The following TOP2B variants were observed in gnomAD, a reference collection of about 807,000 sequenced individuals.
TOP2B encodes DNA topoisomerase II beta, also known as DNA topoisomerase 2-beta.
A neutral mutation model predicts 193.5 loss-of-function variants in TOP2B; 51 were observed. That is an observed-to-expected ratio of 0.26 (90% CI 0.21 to 0.33). TOP2B has a LOEUF of 0.33. Ranked by LOEUF, TOP2B falls within the 10% of genes least tolerant of loss-of-function variation. TOP2B has a pLI of 1.00. For synonymous variants in TOP2B, 634 were observed against 635.7 expected, an observed-to-expected ratio of 1.00 and a Z score of 0.04; for missense variants, 1,378 against 1,909.3, an observed-to-expected ratio of 0.72 and a Z score of 5.19.
At chr3:25,629,279 A>C (rs772974015) in intron 13 of TOP2B, 134 bp from the exon 14 acceptor site, 12 of 572,798 alleles carry the variant, frequency 2.1e-5, no homozygotes, top group Non-Finnish European at 3.5e-5. Context: ...AAAAGCTATT[A>C]AGATGATCAT....
rs1025888594 is a variant in TOP2B at position 25,624,391 on chromosome 3, T to C, written c.2401A>G (p.Asn801Asp). 6.2e-7 allele frequency: 1 copy of C among 1,613,820 alleles called. No homozygotes were observed. The part of the protein sequence containing the change: ...NLAQNFVGSN[N>D]INLLQPIGQF... ...CCAATAGGCTGAAGCAAGTTAATGT[T>C]GTTACTTCCCACAAAGTTCTGAGCC... is the stretch of plus-strand genomic sequence containing the variant. Residue 801 changes from asparagine (N) to aspartate (D), a missense_variant, in exon 20 of 36, where the codon AAC becomes GAC. Asn to Asp is a conservative substitution (Grantham distance 23). Coordinates refer to ENST00000264331, the MANE Select transcript of TOP2B (RefSeq NM_001330700.2).
At chr3:25,660,091 C>T (rs751849931) in intron 1 of TOP2B, among the ~76,000 whole-genome samples, 4 of 152,182 alleles carry the variant, frequency 2.6e-5, no homozygotes, top group Admixed American at 6.5e-5. Flanking sequence ...CCTGGGATTA[C>T]AGGTGAACAT....
At chr3:25,637,147 G>T in intron 6 of TOP2B, 68 bp downstream of exon 6, 4 of 1,244,524 alleles carry the variant, frequency 3.2e-6, no homozygotes, top group South Asian at 1.3e-5. Context: ...TTTACCCAAG[G>T]TTCTACTATC....
At chr3:25,663,978 G>A (rs981501994) in intron 1 of TOP2B, among the ~76,000 whole-genome samples, 16 of 152,082 alleles carry the variant, frequency 1.1e-4, no homozygotes, top group Non-Finnish European at 2.1e-4. Flanking sequence ...TTACGTTCGC[G>A]GTTTTGTCCC....
intron 33 of TOP2B, among the ~76,000 whole-genome samples, chr3:25,603,784 C>T (rs911512889): frequency 1.3e-5 from 2 of 152,184 alleles, no homozygotes; most frequent in Admixed American, 1.3e-4. Flanking sequence ...CAGTGTGAAA[C>T]ACACATCCCA....
At chr3:25,599,682 A>G (rs1262381475) in intron 34 of TOP2B, among the ~76,000 whole-genome samples, 153 bp from the exon 35 acceptor site, 1 of 152,248 alleles carries the variant, frequency 6.6e-6, no homozygotes, top group Non-Finnish European at 1.5e-5. Context: ...ACAATTTGGC[A>G]GTAGCATTTC....
At chr3:25,662,586 G>A (rs1195900291) in intron 1 of TOP2B, among the ~76,000 whole-genome samples, 1 of 152,026 alleles carries the variant, frequency 6.6e-6, no homozygotes. Context: ...GTTTCAAATG[G>A]ATTTTTCTAT....
rs530786141 is a variant in TOP2B at position 25,609,721 on chromosome 3, TAA to T, written c.3787-11_3787-10del. 1 of 1,424,758 alleles carries T rather than the reference TAA, an allele frequency of 7.0e-7. No homozygotes were observed. The highest frequency in any genetic ancestry group is 3.4e-5 in the Admixed American group (1 of 29,624). The allele number at this position is 1,424,758 out of a possible 1,614,324, so 88.3% of individuals were successfully genotyped here. A position where few individuals can be genotyped will look rare whatever the true frequency, so the allele number is the denominator to read the frequency against. On this transcript the variant is annotated splice_polypyrimidine_tract_variant and intron_variant, in intron 28 of 35. Transcript: ENST00000264331. ...GCAGTATCAAGATCACCCTACATAA[TAA>T]AAAGAAAATCAAGCCACGAGTAAAA...
rs765141504 is a variant in TOP2B, at chr3:25,636,076, T to C, written c.712A>G (p.Ile238Val). ...TTGGACAGATCTGGTTGGAATGTTA[T>C]GCATGTGTAATCTTCACCATCAAAA... The part of the protein sequence containing the change: ...KHFDGEDYTC[I>V]TFQPDLSKFK... The change falls in exon 7 of 36, where the codon ATA (isoleucine) becomes GTA (valine). Residue 238 changes from isoleucine to valine, a missense_variant. Ile to Val is a conservative substitution (Grantham distance 29, BLOSUM62 3). Transcript: ENST00000264331. 6.2e-7 allele frequency: 1 copy of C among 1,612,800 alleles called. No homozygotes were observed. The highest frequency in any genetic ancestry group is 1.1e-5 in the South Asian group (1 of 90,978).
chr3:25,652,255 T>C (rs937176199), intron 1 of TOP2B, among the ~76,000 whole-genome samples: 2 of 152,312 alleles, frequency 1.3e-5, no homozygotes, highest in Middle Eastern at 3.4e-3. Context: ...CTTTCAGTTA[T>C]GGATAGAACA....
At position 25,604,867 on chromosome 3, in the gene TOP2B, G is replaced by GTCA. The variant is rs1702196668; in HGVS notation, c.4381_4382insTGA (p.Ser1461delinsLeuThr). ...TTCTTCATTACTGTCAAATTTAGCT[G>GTCA]AATCTAAAAATTGCAAAGCCTTCTT... On this transcript the variant is annotated protein_altering_variant, in exon 33 of 36. Transcript: ENST00000264331. The GTCA allele has an allele frequency of 6.2e-7, 1 of 1,610,312 alleles. No homozygotes were observed. The highest frequency in any genetic ancestry group is 1.7e-5 in the Admixed American group (1 of 59,624).
At chr3:25,642,018 A>G (rs1030507218) in intron 4 of TOP2B, among the ~76,000 whole-genome samples, 4 of 152,172 alleles carry the variant, frequency 2.6e-5, no homozygotes, top group Non-Finnish European at 5.9e-5. Context: ...CTGGAATCAC[A>G]CTAACAATAG....
At chr3:25,642,223 A>G in intron 4 of TOP2B, 99 bp downstream of exon 4, 1 of 599,162 alleles carries the variant, frequency 1.7e-6, no homozygotes, top group Non-Finnish European at 2.8e-6. Context: ...GGAAACTTTA[A>G]AAGAGTACTA....
intron 5 of TOP2B, among the ~76,000 whole-genome samples, 170 bp downstream of exon 5, chr3:25,637,995 T>A (rs948274443): frequency 6.6e-6 from 1 of 151,952 alleles, no homozygotes; most frequent in Non-Finnish European, 1.5e-5. Flanking sequence ...TTAAGGTTTT[T>A]AAATGTCACT....
intron 30 of TOP2B, 22 bp from the exon 31 acceptor site, chr3:25,607,397 A>T: frequency 4.5e-6 from 7 of 1,548,136 alleles, no homozygotes; most frequent in Non-Finnish European, 5.2e-6. Flanking sequence ...AATAAAAATG[A>T]ATGTTAAACT....
intron 34 of TOP2B, among the ~76,000 whole-genome samples, chr3:25,600,314 A>AAGAT (rs1451316993): frequency 5.9e-5 from 9 of 152,240 alleles, no homozygotes; most frequent in Non-Finnish European, 1.3e-4. Flanking sequence ...GACAAGTACG[A>AAGAT]AGATAGACTT....
chr3:25,610,170 C>T (rs1183767542), intron 28 of TOP2B, among the ~76,000 whole-genome samples: 1 of 149,498 alleles, frequency 6.7e-6, no homozygotes, highest in Non-Finnish European at 1.5e-5. Flanking sequence ...GAAACAAAAG[C>T]GAAACTCTGT....
chr3:25,654,076 T>C (rs189165678), intron 1 of TOP2B, among the ~76,000 whole-genome samples: 373 of 152,238 alleles, frequency 2.5e-3, no homozygotes, highest in African/African-American at 8.3e-3. Context: ...ATATTATCAA[T>C]ATTCAAGATA....
At chr3:25,637,101 G>GA (rs56202408) in intron 6 of TOP2B, 114 bp downstream of exon 6, 117,762 of 683,616 alleles carry the variant, frequency 0.17, 5,181 homozygotes, top group East Asian at 0.21. Flanking sequence ...TAATGCTTTG[G>GA]AAAAAAAAAA....
Sources: gnomAD v4.1 joint callset for allele counts (sites outside exome capture counted in the v4.1 genomes callset) on GRCh38, gnomAD v4.1.1 for gene constraint, MANE v1.5 for transcripts, NCBI Gene and HGNC (gene_info 2026-07-23, HGNC 2026-07-21) for gene names.